The following TDRD1 variants were observed in gnomAD, a reference collection of about 807,000 sequenced individuals.
TDRD1 encodes tudor domain containing 1, also known as tudor domain-containing protein 1.
In TDRD1, 37 loss-of-function variants were observed where a neutral mutation model predicts 140.6. The ratio of observed to expected loss-of-function variants is 0.26; its 90% CI spans 0.20 to 0.35. The LOEUF is 0.35. Ranked by LOEUF, TDRD1 falls within the 10% of genes least tolerant of loss-of-function variation. The pLI, the probability that TDRD1 is intolerant of heterozygous loss-of-function variation, is 1.00. For missense variants in TDRD1, 1,243 were observed against 1,393.0 expected, an observed-to-expected ratio of 0.89 and a Z score of 1.71; for synonymous variants, 506 against 475.7, an observed-to-expected ratio of 1.06 and a Z score of -0.83.
intron 5 of TDRD1, 48 bp downstream of exon 5, chr10:114,201,563 C>G: frequency 6.6e-7 from 1 of 1,508,186 alleles, no homozygotes; most frequent in Non-Finnish European, 9.1e-7. Flanking sequence ...GTAAAAGGTT[C>G]TGATACAATA....
At chr10:114,175,966 G>A (rs2032686594), upstream of TDRD1, among the ~76,000 whole-genome samples, 1 of 152,116 alleles carries the variant, frequency 6.6e-6, no homozygotes, top group Admixed American at 6.6e-5. Context: ...AATAGTCAAT[G>A]TGGGGAAGCT....
chr10:114,199,538 G>C (rs1199851132), intron 4 of TDRD1, among the ~76,000 whole-genome samples: 1 of 152,140 alleles, frequency 6.6e-6, no homozygotes, highest in Non-Finnish European at 1.5e-5. Flanking sequence ...TTTAGGGGAA[G>C]CTCACATGCA....
At chr10:114,226,805 C>G (rs773075349) in intron 22 of TDRD1, among the ~76,000 whole-genome samples, 10 of 152,152 alleles carry the variant, frequency 6.6e-5, no homozygotes, top group Non-Finnish European at 1.3e-4. Flanking sequence ...GGAAAATTAT[C>G]TTTGTTTCTC....
At chr10:114,196,833 C>CTTTTTTTTTTTTTTTTTTTTTTTTTT (rs36124319) in intron 3 of TDRD1, among the ~76,000 whole-genome samples, 1 of 48,352 alleles carries the variant, frequency 2.1e-5, no homozygotes, top group Non-Finnish European at 3.6e-5. Context: ...TTCTAGCAGT[C>CTTTTTTTTTTTTTTTTTTTTTTTTTT]TTTTTTTTTT....
chr10:114,222,015 C>A (rs1046184308), intron 20 of TDRD1, among the ~76,000 whole-genome samples: 1 of 152,162 alleles, frequency 6.6e-6, no homozygotes, highest in African/African-American at 2.4e-5. Flanking sequence ...AAGCTGAGTG[C>A]TGTCTTTTTA....
intron 1 of TDRD1, 58 bp downstream of exon 1, chr10:114,179,474 G>C (rs1482562490): frequency 6.6e-6 from 1 of 152,578 alleles, no homozygotes; most frequent in Non-Finnish European, 1.5e-5. Context: ...GGAAGGGAGG[G>C]GGCTTCGGTC....
chr10:114,209,372 C>T (rs533484872), intron 11 of TDRD1, among the ~76,000 whole-genome samples: 23 of 152,318 alleles, frequency 1.5e-4, no homozygotes, highest in Admixed American at 9.2e-4. Flanking sequence ...AGATAGAGAA[C>T]CAGAATCTCA....
At chr10:114,178,832 G>C (rs1334300678), upstream of TDRD1, among the ~76,000 whole-genome samples, 1 of 151,032 alleles carries the variant, frequency 6.6e-6, no homozygotes, top group Non-Finnish European at 1.5e-5. Context: ...GGCACACAAG[G>C]GTTCCCTTAT....
intron 3 of TDRD1, among the ~76,000 whole-genome samples, chr10:114,198,357 T>TC (rs1192555269): frequency 6.6e-6 from 1 of 152,156 alleles, no homozygotes; most frequent in African/African-American, 2.4e-5. Context: ...AAATCCGGGT[T>TC]CCCCATGTGG....
intron 17 of TDRD1, among the ~76,000 whole-genome samples, chr10:114,218,034 A>G (rs2133125623): frequency 6.6e-6 from 1 of 152,346 alleles, no homozygotes; most frequent in African/African-American, 2.4e-5. Flanking sequence ...TTTACTACTT[A>G]AATTATTTTA....
intron 13 of TDRD1, among the ~76,000 whole-genome samples, chr10:114,211,305 A>T (rs991386868): frequency 2.0e-5 from 3 of 152,152 alleles, no homozygotes; most frequent in Non-Finnish European, 2.9e-5. Flanking sequence ...CCAGGTTCAT[A>T]TCTTCACCGG....
rs1042486075 is a variant in TDRD1, at chr10:114,222,592, C to T, written c.2896C>T (p.Gln966Ter). Residue 966 changes from glutamine to a stop codon, truncating the protein, a stop_gained, in exon 21 of 26, where the codon CAG becomes TAG. Transcript: ENST00000251864. LOFTEE classifies it high-confidence loss of function. ...ATTGCTTTTATATATTTTAGAAAATCAGGAAAAGCTGTGCATGTTGACAGC... is the reference window on the plus strand; with the variant it reads ...ATTGCTTTTATATATTTTAGAAAATTAGGAAAAGCTGTGCATGTTGACAGC... 6.3e-7 allele frequency: 1 copy of T among 1,599,398 alleles called. No individual in the cohort carries two copies. Among genetic ancestry groups the T allele is most frequent in the Non-Finnish European group, 8.5e-7 (1 of 1,170,544 alleles).
intron 4 of TDRD1, among the ~76,000 whole-genome samples, chr10:114,199,683 T>G (rs1337955268): frequency 1.3e-5 from 2 of 152,126 alleles, no homozygotes; most frequent in African/African-American, 2.4e-5. Context: ...TAATTTTGCC[T>G]GTCATAGAAT....
At chr10:114,200,469 G>A (rs755647689) in intron 4 of TDRD1, among the ~76,000 whole-genome samples, 14 of 151,996 alleles carry the variant, frequency 9.2e-5, no homozygotes, top group South Asian at 2.1e-4. Context: ...ATCTCCCTGG[G>A]TTTTTCTGGG....
chr10:114,206,894 G>A (rs1564951361), intron 11 of TDRD1, among the ~76,000 whole-genome samples: 2 of 152,198 alleles, frequency 1.3e-5, no homozygotes, highest in Non-Finnish European at 2.9e-5. Flanking sequence ...GGGATTACAG[G>A]CGTGAGCCAC....
exon 2 of TDRD1, chr10:114,187,919 A>G (rs2033658982): frequency 1.2e-6 from 2 of 1,613,174 alleles, no homozygotes; most frequent in South Asian, 1.1e-5. Context: ...TAATTTTGAG[A>G]AAAATGAAAA....
At chr10:114,182,008 G>C (rs1293953988) in intron 1 of TDRD1, among the ~76,000 whole-genome samples, 3 of 152,014 alleles carry the variant, frequency 2.0e-5, no homozygotes, top group African/African-American at 7.3e-5. Context: ...ATTCCAAAAG[G>C]TTTTAGGTGA....
At chr10:114,201,077 A>G (rs2034707570) in intron 4 of TDRD1, among the ~76,000 whole-genome samples, 1 of 149,442 alleles carries the variant, frequency 6.7e-6, no homozygotes. Context: ...GCTGGTCTCG[A>G]ACTCCTGACC....
chr10:114,227,121 A>T, exon 23 of TDRD1: 1 of 1,598,116 alleles, frequency 6.3e-7, no homozygotes, highest in Non-Finnish European at 8.6e-7. Flanking sequence ...TAATGCTATT[A>T]AAAAATTTCA....
Sources: allele counts gnomAD v4.1 joint callset (sites outside exome capture counted in the v4.1 genomes callset), GRCh38; gene constraint gnomAD v4.1.1; transcripts MANE v1.5; gene names NCBI Gene and HGNC (gene_info 2026-07-23, HGNC 2026-07-21).